Variants in SLC8A1 observed in about 807,000 individuals in gnomAD.
The protein encoded by SLC8A1 is sodium/calcium exchanger 1.
A neutral mutation model predicts 68.3 loss-of-function variants in SLC8A1; 18 were observed. The observed-to-expected ratio is 0.26, with a 90% CI of 0.18 to 0.39. SLC8A1 has a LOEUF of 0.39. SLC8A1 is among the 10% of genes least tolerant of loss of function. The pLI, the probability that SLC8A1 is intolerant of heterozygous loss-of-function variation, is 1.00. For missense variants in SLC8A1, 985 were observed against 1,156.7 expected (o/e 0.85, Z 2.15); for synonymous variants, 475 against 415.5 (o/e 1.14, Z -1.74).
intron 2 of SLC8A1, among the ~76,000 whole-genome samples, chr2:40,232,487 T>C (rs926789983): frequency 5.6e-4 from 85 of 151,678 alleles, no homozygotes; most frequent in African/African-American, 2.0e-3. Context: ...CACAAAGAGA[T>C]TGGGGATTAG....
chr2:40,440,469 G>A (rs1473255725), intron 1 of SLC8A1, among the ~76,000 whole-genome samples: 1 of 152,052 alleles, frequency 6.6e-6, no homozygotes, highest in Non-Finnish European at 1.5e-5. Context: ...ATTAATAGGA[G>A]AACATTCATT....
chr2:40,290,517 C>A (rs546196241), intron 2 of SLC8A1, among the ~76,000 whole-genome samples: 22 of 152,236 alleles, frequency 1.4e-4, no homozygotes, highest in African/African-American at 5.1e-4. Context: ...CCATAATGTG[C>A]GTCCTGGGAG....
intron 7 of SLC8A1, among the ~76,000 whole-genome samples, chr2:40,122,232 GCGCGCACACA>G (rs1558435006): frequency 9.1e-6 from 1 of 110,150 alleles, no homozygotes; most frequent in Non-Finnish European, 2.0e-5. Flanking sequence ...ACACGTGTGC[GCGCGCACACA>G]CACACACACA....
intron 1 of SLC8A1, among the ~76,000 whole-genome samples, chr2:40,441,197 A>G (rs1019834791): frequency 3.5e-4 from 53 of 152,240 alleles, no homozygotes; most frequent in African/African-American, 1.3e-3. Context: ...AAAGAATAAA[A>G]TATTTGGGAA....
At chr2:40,162,762 A>T (rs1396933153) in intron 5 of SLC8A1, among the ~76,000 whole-genome samples, 2 of 152,054 alleles carry the variant, frequency 1.3e-5, no homozygotes, top group African/African-American at 4.8e-5. Context: ...TCAGTTTTTC[A>T]CTGCACTAGA....
At chr2:40,198,427 G>C (rs1573930968) in intron 2 of SLC8A1, among the ~76,000 whole-genome samples, 1 of 151,896 alleles carries the variant, frequency 6.6e-6, no homozygotes, top group Non-Finnish European at 1.5e-5. Context: ...TGTGCTCTCT[G>C]AGATGCCCAA....
At chr2:40,263,117 T>C (rs958624935) in intron 2 of SLC8A1, among the ~76,000 whole-genome samples, 2 of 152,214 alleles carry the variant, frequency 1.3e-5, no homozygotes, top group Non-Finnish European at 2.9e-5. Context: ...GTGAAAAGCA[T>C]GGGCTGAGCA....
chr2:40,429,459 C>T lies in SLC8A1; in HGVS notation c.822G>A (p.Met274Ile), dbSNP rs539655305. 85 of 1,613,902 alleles carry T rather than the reference C, an allele frequency of 5.3e-5. 1 individual carries two copies. The South Asian group carries it at 8.6e-4, about 16-fold the overall frequency. Residue 274 changes from methionine to isoleucine, a missense_variant, in exon 2 of 8, where the codon ATG (methionine) becomes ATA (isoleucine). By Grantham distance (10) the Met-to-Ile change is conservative (BLOSUM62 1). Transcript: ENST00000406785. Reference sequence around the variant, plus strand: ...GCCTGTCTCCTTCATGTTCAATAATCATCCCCCTCTGCTTGCCAGCTCGAT... The same window carrying T: ...GCCTGTCTCCTTCATGTTCAATAATTATCCCCCTCTGCTTGCCAGCTCGAT...
intron 7 of SLC8A1, among the ~76,000 whole-genome samples, chr2:40,129,756 C>G (rs2038940925): frequency 6.6e-6 from 1 of 152,190 alleles, no homozygotes; most frequent in African/African-American, 2.4e-5. Flanking sequence ...CATGAACGCA[C>G]ACCTGTACAG....
intron 1 of SLC8A1, among the ~76,000 whole-genome samples, chr2:40,459,333 G>C (rs1703205373): frequency 6.6e-6 from 1 of 152,018 alleles, no homozygotes; most frequent in Non-Finnish European, 1.5e-5. Context: ...CCTTTTTTGA[G>C]AGTCCCAAAC....
chr2:40,385,713 G>A (rs1309017923), intron 2 of SLC8A1, among the ~76,000 whole-genome samples: 1 of 151,262 alleles, frequency 6.6e-6, no homozygotes, highest in South Asian at 2.1e-4. Flanking sequence ...ACTAAAAAAA[G>A]TTTTAAACTT....
chr2:40,141,090 C>G (rs1217160764), intron 6 of SLC8A1, among the ~76,000 whole-genome samples: 2 of 152,158 alleles, frequency 1.3e-5, no homozygotes, highest in Admixed American at 1.3e-4. Flanking sequence ...TCTTTGTTGA[C>G]CCATTCCAAC....
intron 2 of SLC8A1, among the ~76,000 whole-genome samples, chr2:40,420,556 A>C (rs1695209734): frequency 6.6e-6 from 1 of 152,190 alleles, no homozygotes; most frequent in Non-Finnish European, 1.5e-5. Context: ...AGCCAAAACC[A>C]ACAATAACTA....
At chr2:40,187,388 G>C (rs7589951) in intron 2 of SLC8A1, among the ~76,000 whole-genome samples, 17,692 of 152,150 alleles carry the variant, frequency 0.12, 1,125 homozygotes, top group Non-Finnish European at 0.13. Context: ...AGGAGGCCTT[G>C]TTGTCCGTGC....
chr2:40,160,168 T>A (rs1329974357), intron 6 of SLC8A1, among the ~76,000 whole-genome samples: 1 of 152,224 alleles, frequency 6.6e-6, no homozygotes, highest in Non-Finnish European at 1.5e-5. Context: ...CCTCTCTCTC[T>A]ATTTAATTCC....
intron 2 of SLC8A1, among the ~76,000 whole-genome samples, chr2:40,271,857 T>C (rs1005748297): frequency 2.0e-5 from 3 of 152,122 alleles, no homozygotes; most frequent in Admixed American, 2.0e-4. Context: ...AGTTTATTTT[T>C]ATTATTTTAT....
intron 2 of SLC8A1, among the ~76,000 whole-genome samples, chr2:40,390,573 C>T (rs1418860779): frequency 1.3e-5 from 2 of 152,062 alleles, no homozygotes; most frequent in African/African-American, 4.8e-5. Flanking sequence ...GTTCAGCAAT[C>T]TGTATTTTAA....
At chr2:40,116,823 G>C (rs2035530784) in intron 7 of SLC8A1, 1 of 152,158 alleles carries the variant, frequency 6.6e-6, no homozygotes, top group African/African-American at 2.4e-5. Flanking sequence ...GTGATGATAG[G>C]AAAATCTTGG....
chr2:40,505,734 A>G (rs1183709472), intron 1 of SLC8A1, among the ~76,000 whole-genome samples: 2 of 151,980 alleles, frequency 1.3e-5, no homozygotes, highest in Admixed American at 6.6e-5. Flanking sequence ...TAGAATCACT[A>G]TGCATACATA....
Sources: allele counts gnomAD v4.1 joint callset (sites outside exome capture counted in the v4.1 genomes callset), GRCh38; gene constraint gnomAD v4.1.1; transcripts MANE v1.5; gene names NCBI Gene and HGNC (gene_info 2026-07-23, HGNC 2026-07-21).